The following NOS1AP variants were observed in gnomAD, a reference collection of about 807,000 sequenced individuals.
NOS1AP encodes the protein carboxyl-terminal PDZ ligand of neuronal nitric oxide synthase protein.
Under a neutral mutation model 56.2 loss-of-function variants are expected in NOS1AP, and 21 were observed. The observed-to-expected ratio is 0.37, with a 90% confidence interval of 0.26 to 0.54. The LOEUF is 0.54. NOS1AP is among the 20% of genes least tolerant of loss of function. The probability of loss-of-function intolerance (pLI) is 0.84; values close to 1 mark genes in which losing one functional copy is unlikely to be tolerated. For missense variants in NOS1AP, 522 were observed against 657.8 expected (o/e 0.79, Z 2.26); for synonymous variants, 270 against 274.6 (o/e 0.98, Z 0.17).
chr1:162,158,825 G>A (rs1454776263), intron 2 of NOS1AP, among the ~76,000 whole-genome samples: 1 of 152,204 alleles, frequency 6.6e-6, no homozygotes, highest in Non-Finnish European at 1.5e-5. Context: ...TGTCCTGCTC[G>A]CTCTTTGTTT....
At chr1:162,300,025 TG>T (rs1287826004) in intron 3 of NOS1AP, among the ~76,000 whole-genome samples, 1 of 152,226 alleles carries the variant, frequency 6.6e-6, no homozygotes, top group African/African-American at 2.4e-5. Context: ...CCTTCTTTCA[TG>T]GATGAATGTG....
rs1652605124 is a variant in NOS1AP, at chr1:162,217,267, C to CTTTTTTTTCTTTTTT, written c.177+62799_177+62800insCTTTTTTTTTTTTTT. Among the ~76,000 whole-genome samples the CTTTTTTTTCTTTTTT allele has an allele frequency of 2.9e-5, 2 of 68,368 alleles. 1 individual carries two copies. Among genetic ancestry groups the CTTTTTTTTCTTTTTT allele is most frequent in the Non-Finnish European group, 5.2e-5 (2 of 38,704 alleles). 44.9% of individuals were successfully genotyped at this position (68,368 alleles called of 152,430 possible). On this transcript the variant is annotated intron_variant, in intron 2 of 9. Coordinates refer to ENST00000361897, the MANE Select transcript of NOS1AP (RefSeq NM_014697.3). The stretch of plus-strand genomic sequence containing the variant: ...TGGGTCCTGAAACAGCTGTTGTTAG[C>CTTTTTTTTCTTTTTT]TTTTTTTTTTTTTTGAGATGAAGTC...
intron 1 of NOS1AP, among the ~76,000 whole-genome samples, chr1:162,086,439 A>T (rs925181445): frequency 2.6e-5 from 4 of 152,108 alleles, no homozygotes; most frequent in African/African-American, 9.7e-5. Context: ...TTCCTTGCCC[A>T]CCCTGAGTAG....
intron 2 of NOS1AP, among the ~76,000 whole-genome samples, chr1:162,162,968 C>T (rs1488423727): frequency 6.6e-6 from 1 of 152,176 alleles, no homozygotes; most frequent in Non-Finnish European, 1.5e-5. Flanking sequence ...CCTGATTCCC[C>T]AACACCCCTA....
In NOS1AP at chr1:162,204,900, G is replaced by A. The variant is rs149914824; in HGVS notation, c.177+50424G>A. Among the ~76,000 whole-genome samples, 42 of 152,270 alleles carry A rather than the reference G, an allele frequency of 2.8e-4. 1 individual carries two copies. Among genetic ancestry groups the A allele is most frequent in the African/African-American group, 8.4e-4 (35 of 41,542 alleles). ...GGATGGTGATTTGTTTATAGGGGTA[G>A]GACTAGGGGACTTTGAGAGGAAGCT... On this transcript the variant is annotated intron_variant, in intron 2 of 9. Coordinates refer to ENST00000361897, the MANE Select transcript of NOS1AP (RefSeq NM_014697.3).
rs115540668 is a variant in NOS1AP at position 162,334,499 on chromosome 1, G to A, written c.453+1374G>A. Among the ~76,000 whole-genome samples the A allele has an allele frequency of 5.6e-3, 855 of 152,296 alleles. 4 individuals carry two copies. Among genetic ancestry groups the A allele is most frequent in the African/African-American group, 0.019 (803 of 41,558 alleles). ...TAGAGTTTGGGAAAGTGAAAGGCTC[G>A]TATGTGGCCTTGTGTAGGGGACCTG... On this transcript the variant is annotated intron_variant, in intron 5 of 9. Coordinates refer to ENST00000361897, the MANE Select transcript of NOS1AP (RefSeq NM_014697.3).
intron 4 of NOS1AP, among the ~76,000 whole-genome samples, chr1:162,310,186 G>T (rs1440154872): frequency 6.6e-6 from 1 of 152,048 alleles, no homozygotes; most frequent in Non-Finnish European, 1.5e-5. Flanking sequence ...CTCTGGAAGG[G>T]GTCAAAGGCA....
intron 2 of NOS1AP, among the ~76,000 whole-genome samples, chr1:162,194,493 G>A (rs1651743109): frequency 6.6e-6 from 1 of 152,172 alleles, no homozygotes; most frequent in Non-Finnish European, 1.5e-5. Context: ...GGGCACTGTG[G>A]TTTCTACTTT....
At chr1:162,152,677 A>G (rs1047858030) in intron 1 of NOS1AP, among the ~76,000 whole-genome samples, 5 of 152,254 alleles carry the variant, frequency 3.3e-5, no homozygotes, top group African/African-American at 1.2e-4. Context: ...CCAAACTGCA[A>G]TGTGCTCACT....
intron 2 of NOS1AP, among the ~76,000 whole-genome samples, chr1:162,197,663 A>G (rs954020520): frequency 6.6e-6 from 1 of 152,170 alleles, no homozygotes; most frequent in Non-Finnish European, 1.5e-5. Flanking sequence ...CTCAGGAGAG[A>G]GGAAGTGACT....
intron 2 of NOS1AP, among the ~76,000 whole-genome samples, chr1:162,217,774 G>A (rs554796159): frequency 2.0e-4 from 31 of 152,188 alleles, no homozygotes; most frequent in Non-Finnish European, 3.4e-4. Flanking sequence ...GCATTTTTCA[G>A]CAACTTGGTC....
chr1:162,285,492 C>G (rs571828966), intron 2 of NOS1AP, among the ~76,000 whole-genome samples: 1 of 152,294 alleles, frequency 6.6e-6, no homozygotes, highest in South Asian at 2.1e-4. Context: ...GCCATGTCCT[C>G]AAGTGCATGC....
chr1:162,168,263 G>A lies in NOS1AP; in HGVS notation c.177+13787G>A, dbSNP rs75704050. Among the ~76,000 whole-genome samples, 636 of 152,294 alleles carry A rather than the reference G, an allele frequency of 4.2e-3. 2 individuals are homozygous for A. Among genetic ancestry groups the A allele is most frequent in the Non-Finnish European group, 6.9e-3 (469 of 68,022 alleles). On this transcript the variant is annotated intron_variant, in intron 2 of 9. Transcript: ENST00000361897. ...TCACCTCCTTTGGGATTCTCTGCTC[G>A]TTGGAAATGGAGTGTTACCTGCAGA...
At chr1:162,093,462 T>C (rs1337061) in intron 1 of NOS1AP, among the ~76,000 whole-genome samples, 94,780 of 152,082 alleles carry the variant, frequency 0.62, 29,894 homozygotes, top group Non-Finnish European at 0.67. Flanking sequence ...GGCAGTATTT[T>C]TGGTGGCGAG....
At chr1:162,330,043 T>G (rs889338768) in intron 4 of NOS1AP, among the ~76,000 whole-genome samples, 1 of 152,252 alleles carries the variant, frequency 6.6e-6, no homozygotes, top group African/African-American at 2.4e-5. Flanking sequence ...GTTCCTCTGT[T>G]CCTTCCACAT....
chr1:162,195,509 A>T (rs1259787315), intron 2 of NOS1AP, among the ~76,000 whole-genome samples: 1 of 152,234 alleles, frequency 6.6e-6, no homozygotes, highest in Non-Finnish European at 1.5e-5. Context: ...AAATAAATAC[A>T]TGATCAAAAT....
At chr1:162,230,617 C>T (rs1653091673) in intron 2 of NOS1AP, among the ~76,000 whole-genome samples, 1 of 152,184 alleles carries the variant, frequency 6.6e-6, no homozygotes, top group Non-Finnish European at 1.5e-5. Flanking sequence ...TCTTGCAGAT[C>T]TGAAACTCTA....
intron 2 of NOS1AP, among the ~76,000 whole-genome samples, chr1:162,274,489 A>G (rs965688014): frequency 7.9e-5 from 12 of 152,256 alleles, no homozygotes; most frequent in African/African-American, 2.7e-4. Context: ...TGCATCTACC[A>G]TACAGTGTTT....
chr1:162,227,191 G>A (rs1387427025), intron 2 of NOS1AP, among the ~76,000 whole-genome samples: 1 of 151,952 alleles, frequency 6.6e-6, no homozygotes, highest in Non-Finnish European at 1.5e-5. Context: ...TCTTTCCCCC[G>A]CTGTGCATTG....
Sources: gnomAD v4.1 joint callset for allele counts (sites outside exome capture counted in the v4.1 genomes callset) on GRCh38, gnomAD v4.1.1 for gene constraint, MANE v1.5 for transcripts, NCBI Gene and HGNC (gene_info 2026-07-23, HGNC 2026-07-21) for gene names.